The following TMEM108 variants were observed in gnomAD, a reference collection of about 807,000 sequenced individuals.
TMEM108 encodes the protein cancer/testis antigen 124.
A neutral mutation model predicts 35.1 loss-of-function variants in TMEM108; 12 were observed. That is an observed-to-expected ratio of 0.34 (90% CI 0.22 to 0.55). The LOEUF is 0.55. Ranked by LOEUF, TMEM108 falls within the 20% of genes least tolerant of loss-of-function variation. The pLI, the probability that TMEM108 is intolerant of heterozygous loss-of-function variation, is 0.89. For synonymous variants in TMEM108, 287 were observed against 308.6 expected (o/e 0.93, Z 0.73); for missense variants, 680 against 753.3 (o/e 0.90, Z 1.14).
chr3:133,102,230 A>G (rs1944098003), intron 2 of TMEM108, among the ~76,000 whole-genome samples: 1 of 152,236 alleles, frequency 6.6e-6, no homozygotes, highest in Non-Finnish European at 1.5e-5. Context: ...TGGTATGGGT[A>G]CTGGTGAGCG....
intron 3 of TMEM108, among the ~76,000 whole-genome samples, chr3:133,341,869 T>G (rs2071670797): frequency 1.3e-5 from 2 of 151,748 alleles, no homozygotes; most frequent in Admixed American, 6.6e-5. Context: ...TTCACCATAT[T>G]ACAAAAATCA....
intron 2 of TMEM108, among the ~76,000 whole-genome samples, chr3:133,053,561 A>G (rs138371213): frequency 1.4e-4 from 21 of 152,398 alleles, no homozygotes; most frequent in Admixed American, 5.2e-4. Flanking sequence ...ACTTTAAAAA[A>G]TGGAAGGCTT....
intron 3 of TMEM108, among the ~76,000 whole-genome samples, chr3:133,276,375 G>C (rs953660119): frequency 6.6e-6 from 1 of 152,136 alleles, no homozygotes; most frequent in African/African-American, 2.4e-5. Flanking sequence ...CAGGCTGGAT[G>C]GTTAAGGAGA....
chr3:133,127,203 G>T (rs998070420), intron 2 of TMEM108, among the ~76,000 whole-genome samples: 15 of 152,092 alleles, frequency 9.9e-5, no homozygotes, highest in Non-Finnish European at 1.8e-4. Context: ...CATATCAGTT[G>T]TCCAGTAACT....
At chr3:133,257,786 G>A (rs1055694001) in intron 3 of TMEM108, among the ~76,000 whole-genome samples, 1 of 152,212 alleles carries the variant, frequency 6.6e-6, no homozygotes, top group African/African-American at 2.4e-5. Context: ...ACTTCAGCCA[G>A]TTGTCTGTTG....
intron 2 of TMEM108, among the ~76,000 whole-genome samples, chr3:133,108,514 T>C (rs1332340288): frequency 6.6e-6 from 1 of 152,060 alleles, no homozygotes; most frequent in Non-Finnish European, 1.5e-5. Flanking sequence ...AGATTCTGGA[T>C]ATTAGCCCTT....
intron 3 of TMEM108, among the ~76,000 whole-genome samples, chr3:133,268,552 A>T (rs1946729383): frequency 6.6e-6 from 1 of 152,200 alleles, no homozygotes; most frequent in Non-Finnish European, 1.5e-5. Context: ...CATATTGTAA[A>T]TTTTTACTGA....
At chr3:133,282,974 A>G (rs1333590483) in intron 3 of TMEM108, among the ~76,000 whole-genome samples, 1 of 152,260 alleles carries the variant, frequency 6.6e-6, no homozygotes, top group Non-Finnish European at 1.5e-5. Flanking sequence ...GTGAAGGCTT[A>G]TCTTAGTGTA....
In TMEM108 at chr3:133,076,110, G is replaced by A. The variant is rs1413842556; in HGVS notation, c.-47+30090G>A. On this transcript the variant is annotated intron_variant, in intron 2 of 5. Transcript: ENST00000321871. ...GGAGGAAGGCAGGAGGAGGATTTAA[G>A]GGTCTAGATTTTTAAATACATGTAC... 3.3e-5 allele frequency among the ~76,000 whole-genome samples: 5 copies of A among 152,098 alleles called. No homozygotes were observed. In the East Asian group the frequency reaches 9.6e-4, roughly 29 times the overall value.
chr3:133,302,745 A>T (rs1371892212), intron 3 of TMEM108, among the ~76,000 whole-genome samples: 3 of 152,030 alleles, frequency 2.0e-5, no homozygotes, highest in South Asian at 4.1e-4. Flanking sequence ...TTCTATTCTA[A>T]TCTCAGTTTA....
chr3:133,289,007 A>T (rs1362077978), intron 3 of TMEM108, among the ~76,000 whole-genome samples: 1 of 152,140 alleles, frequency 6.6e-6, no homozygotes, highest in Non-Finnish European at 1.5e-5. Flanking sequence ...AAGTGCTGGG[A>T]TTACAGCCAT....
At chr3:133,394,070 G>C (rs1164342427) in intron 5 of TMEM108, among the ~76,000 whole-genome samples, 1 of 152,180 alleles carries the variant, frequency 6.6e-6, no homozygotes, top group East Asian at 1.9e-4. Context: ...ATTACAATTT[G>C]TTCCAATTCT....
chr3:133,166,302 T>G lies in TMEM108; in HGVS notation c.-46-62964T>G, dbSNP rs986485663. 3.3e-5 allele frequency among the ~76,000 whole-genome samples: 5 copies of G among 152,268 alleles called. No individual in the cohort carries two copies. The East Asian group carries it at 9.6e-4, about 29-fold the overall frequency. On this transcript the variant is annotated intron_variant, in intron 2 of 5. Coordinates refer to ENST00000321871, the MANE Select transcript of TMEM108 (RefSeq NM_023943.4). ...GTACACAAACCACCATGGCACACAT[T>G]TACCTATGTAACAAATCTGCACATG... is the stretch of plus-strand genomic sequence containing the variant.
chr3:133,105,448 G>A (rs1019284008), intron 2 of TMEM108, among the ~76,000 whole-genome samples: 5 of 151,920 alleles, frequency 3.3e-5, no homozygotes, highest in Non-Finnish European at 5.9e-5. Flanking sequence ...AACTCTTCTG[G>A]CCTTCCTCTT....
intron 2 of TMEM108, among the ~76,000 whole-genome samples, chr3:133,222,590 C>A (rs1037718082): frequency 6.6e-6 from 1 of 151,882 alleles, no homozygotes; most frequent in Non-Finnish European, 1.5e-5. Context: ...TCTCCTCTGA[C>A]TATATATTTT....
chr3:133,086,126 A>T (rs973831375), intron 2 of TMEM108, among the ~76,000 whole-genome samples: 6 of 152,108 alleles, frequency 3.9e-5, no homozygotes, highest in African/African-American at 1.4e-4. Context: ...GGTGAAAGGG[A>T]TGGCATCCCA....
intron 2 of TMEM108, among the ~76,000 whole-genome samples, chr3:133,126,196 G>A (rs895703013): frequency 6.6e-6 from 1 of 152,098 alleles, no homozygotes; most frequent in African/African-American, 2.4e-5. Context: ...ACCAGGTGCG[G>A]TGGCTCACGC....
chr3:133,255,649 G>A (rs1207881503), intron 3 of TMEM108, among the ~76,000 whole-genome samples: 1 of 152,126 alleles, frequency 6.6e-6, no homozygotes, highest in Admixed American at 6.5e-5. Context: ...TTTCTAGAAT[G>A]TATGAAAGAT....
At chr3:133,292,327 T>C (rs116240120) in intron 3 of TMEM108, among the ~76,000 whole-genome samples, 1 of 152,314 alleles carries the variant, frequency 6.6e-6, no homozygotes, top group African/African-American at 2.4e-5. Flanking sequence ...TTTCTTCAAA[T>C]AAAGGTTTCA....
Sources: gnomAD v4.1 joint callset for allele counts (sites outside exome capture counted in the v4.1 genomes callset) on GRCh38, gnomAD v4.1.1 for gene constraint, MANE v1.5 for transcripts, NCBI Gene and HGNC (gene_info 2026-07-23, HGNC 2026-07-21) for gene names.